PCSK2: variants seen among roughly 807,000 people sequenced by gnomAD.
The protein encoded by PCSK2 is neuroendocrine convertase 2.
Under a neutral mutation model 69.7 loss-of-function variants are expected in PCSK2, and 14 were observed. The ratio of observed to expected loss-of-function variants is 0.20; its 90% CI spans 0.13 to 0.31. The LOEUF (loss-of-function observed/expected upper bound fraction) is 0.31. Ranked by LOEUF, PCSK2 falls within the 10% of genes least tolerant of loss-of-function variation. PCSK2 has a pLI of 1.00. For synonymous variants in PCSK2, 307 were observed against 320.7 expected (o/e 0.96, Z 0.46); for missense variants, 544 against 842.5 (o/e 0.65, Z 4.39).
At chr20:17,407,082 C>T (rs535583048) in intron 5 of PCSK2, among the ~76,000 whole-genome samples, 2 of 152,290 alleles carry the variant, frequency 1.3e-5, no homozygotes, top group South Asian at 4.1e-4. Flanking sequence ...CCTCACCAAC[C>T]TCCGCTCCCT....
chr20:17,300,093 T>C (rs1488364618), intron 2 of PCSK2, among the ~76,000 whole-genome samples: 2 of 152,220 alleles, frequency 1.3e-5, no homozygotes, highest in African/African-American at 4.8e-5. Flanking sequence ...TGCTCTGGTT[T>C]TATTTCACCT....
chr20:17,380,898 T>G (rs1377460178), intron 5 of PCSK2, among the ~76,000 whole-genome samples: 1 of 152,226 alleles, frequency 6.6e-6, no homozygotes. Context: ...CTAAGTTTTC[T>G]TTCCACTTTC....
intron 5 of PCSK2, among the ~76,000 whole-genome samples, chr20:17,397,984 CTA>C (rs1376196093): frequency 3.9e-5 from 6 of 152,158 alleles, no homozygotes; most frequent in Admixed American, 3.3e-4. Context: ...TCAATCTTTA[CTA>C]TTAGAGATTA....
Position 17,288,086 on chromosome 20 carries a change from C to T in PCSK2, c.282+27742C>T, listed in dbSNP as rs114017409. 7.6e-3 allele frequency among the ~76,000 whole-genome samples: 1,150 copies of T among 152,302 alleles called. 10 individuals are homozygous for T. The highest frequency in any genetic ancestry group is 0.025 in the African/African-American group (1,051 of 41,556). On this transcript the variant is annotated intron_variant, in intron 2 of 11. Transcript: ENST00000262545. ...ATCACACAGCTGTACATGCCCTTCC[C>T]CACTTCCCATTCTAAATCCACCTGA...
chr20:17,415,381 A>G (rs1018899916), intron 6 of PCSK2, among the ~76,000 whole-genome samples: 10 of 152,236 alleles, frequency 6.6e-5, no homozygotes, highest in African/African-American at 2.4e-4. Flanking sequence ...AAGCATTTCT[A>G]TACACCAATA....
intron 2 of PCSK2, among the ~76,000 whole-genome samples, chr20:17,347,964 A>C: frequency 4.4e-5 from 1 of 22,976 alleles, no homozygotes; most frequent in Admixed American, 8.0e-4. Context: ...AAGAAAGAGA[A>C]AGAAAGAAAG....
chr20:17,262,258 AG>A (rs1206115119), intron 2 of PCSK2, among the ~76,000 whole-genome samples: 1 of 152,222 alleles, frequency 6.6e-6, no homozygotes, highest in Non-Finnish European at 1.5e-5. Context: ...ATAAGGATCC[AG>A]GTAGCCAATT....
Position 17,309,794 on chromosome 20 carries a change from G to A in PCSK2, c.283-48533G>A, listed in dbSNP as rs183353050. On this transcript the variant is annotated intron_variant, in intron 2 of 11. Transcript: ENST00000262545. ...TATCATGCCACTATACTCCAGCCTG[G>A]GTGACAGAGCGAGACTCCATCAAAA... is the stretch of plus-strand genomic sequence containing the variant. Among the ~76,000 whole-genome samples, 8 of 151,688 alleles carry A rather than the reference G, an allele frequency of 5.3e-5. No homozygotes were observed. The East Asian group carries it at 1.6e-3, about 29-fold the overall frequency.
rs150125906 is a variant in PCSK2 at position 17,453,688 on chromosome 20, C to A, written c.886-54C>A. The A allele has an allele frequency of 4.5e-4, 726 of 1,598,490 alleles. 2 individuals are homozygous for A. In the African/African-American group the frequency reaches 8.5e-3, roughly 19 times the overall value. On this transcript the variant is annotated intron_variant, in intron 8 of 11. Transcript: ENST00000262545. The surrounding 1 kb of genome is among the most constrained non-coding windows in gnomAD (Gnocchi z 4.0). ...ACCCCTGGGCTGGAGACCTCCCCTG[C>A]CCCCTCGCAGCCCAGGCTGTGGGTA...
chr20:17,480,680 T>C (rs562912030), intron 11 of PCSK2, among the ~76,000 whole-genome samples: 26 of 152,158 alleles, frequency 1.7e-4, no homozygotes, highest in African/African-American at 6.3e-4. Flanking sequence ...AAGTGAGGAA[T>C]TGGAGATGTA....
At chr20:17,302,791 C>T (rs554026766) in intron 2 of PCSK2, among the ~76,000 whole-genome samples, 3 of 152,236 alleles carry the variant, frequency 2.0e-5, no homozygotes, top group South Asian at 2.1e-4. Context: ...GTACTGGTTA[C>T]GAATAGCATG....
intron 4 of PCSK2, 45 bp from the exon 5 acceptor site, chr20:17,369,195 C>T: frequency 1.3e-6 from 2 of 1,566,090 alleles, no homozygotes. Context: ...GACACAGTGG[C>T]AGGTATTAAC....
At chr20:17,360,313 C>T (rs2030346140) in intron 3 of PCSK2, among the ~76,000 whole-genome samples, 1 of 136,922 alleles carries the variant, frequency 7.3e-6, no homozygotes, top group Admixed American at 7.5e-5. Context: ...TTACAGAAAA[C>T]AGAAAACACA....
intron 2 of PCSK2, among the ~76,000 whole-genome samples, chr20:17,339,775 C>A (rs753102717): frequency 2.2e-4 from 34 of 152,190 alleles, no homozygotes; most frequent in Non-Finnish European, 2.9e-5. Flanking sequence ...AACTGCCCAG[C>A]TCCCCTGTCA....
Position 17,453,611 on chromosome 20 carries a change from C to T in PCSK2, c.886-131C>T, listed in dbSNP as rs753069797. The T allele has an allele frequency of 1.8e-5, 15 of 854,470 alleles. No homozygotes were observed. The highest frequency in any genetic ancestry group is 2.3e-5 in the Non-Finnish European group (13 of 559,784). The allele number at this position is 854,470 out of a possible 1,614,324, so 52.9% of individuals were successfully genotyped here. ...CCTGCCAGAAGGATATGGTGTCCAA[C>T]CCAGTTTAAAAAGTGCACCCAGTCT... is the stretch of plus-strand genomic sequence containing the variant. On this transcript the variant is annotated intron_variant, in intron 8 of 11. Transcript: ENST00000262545. This position sits in a 1 kb window ranked among gnomAD's most constrained non-coding sequence, Gnocchi z 4.0.
At chr20:17,359,276 CT>C (rs1429314573) in intron 3 of PCSK2, among the ~76,000 whole-genome samples, 1 of 152,154 alleles carries the variant, frequency 6.6e-6, no homozygotes, top group Non-Finnish European at 1.5e-5. Context: ...CTGACTTATG[CT>C]TTTTGGCATG....
intron 5 of PCSK2, among the ~76,000 whole-genome samples, chr20:17,375,654 G>A (rs1408685789): frequency 6.6e-6 from 1 of 152,104 alleles, no homozygotes; most frequent in Non-Finnish European, 1.5e-5. Flanking sequence ...TTGCAGGGTG[G>A]GACATCAACT....
intron 6 of PCSK2, among the ~76,000 whole-genome samples, chr20:17,425,838 C>T (rs1450223961): frequency 1.3e-5 from 2 of 151,932 alleles, no homozygotes; most frequent in Non-Finnish European, 2.9e-5. Flanking sequence ...GAATAATTGC[C>T]CAAGGGTAAT....
chr20:17,466,077 T>G (rs2033096097), intron 11 of PCSK2, among the ~76,000 whole-genome samples: 1 of 152,184 alleles, frequency 6.6e-6, no homozygotes, highest in Admixed American at 6.5e-5. Flanking sequence ...GTTGTGAGCC[T>G]TAACTGTTTC....
Sources: allele counts gnomAD v4.1 joint callset (sites outside exome capture counted in the v4.1 genomes callset), GRCh38; gene constraint gnomAD v4.1.1; non-coding constraint Gnocchi (gnomAD v3.1); transcripts MANE v1.5; gene names NCBI Gene and HGNC (gene_info 2026-07-23, HGNC 2026-07-21).